CPNE9: variants seen among roughly 807,000 people sequenced by gnomAD.
CPNE9 encodes the protein copine family member 9.
Under a neutral mutation model 83.0 loss-of-function variants are expected in CPNE9, and 59 were observed. The ratio of observed to expected loss-of-function variants is 0.71; its 90% CI spans 0.58 to 0.88. The LOEUF (loss-of-function observed/expected upper bound fraction) is 0.88. Ranked by LOEUF, CPNE9 falls within the 40% of genes least tolerant of loss-of-function variation. The pLI is 0.00. For synonymous variants in CPNE9, 256 were observed against 273.4 expected, an observed-to-expected ratio of 0.94 and a Z score of 0.63; for missense variants, 619 against 720.8, an observed-to-expected ratio of 0.86 and a Z score of 1.62.
At chr3:9,722,537 T>C (rs1167831164) in intron 17 of CPNE9, among the ~76,000 whole-genome samples, 1 of 151,392 alleles carries the variant, frequency 6.6e-6, no homozygotes, top group African/African-American at 2.4e-5. Flanking sequence ...AAGAGACAGG[T>C]TCTCACTGTG....
chr3:9,723,183 G>A (rs1159704862), intron 17 of CPNE9, among the ~76,000 whole-genome samples: 4 of 152,164 alleles, frequency 2.6e-5, no homozygotes, highest in Non-Finnish European at 5.9e-5. Context: ...ATGTAAAGGA[G>A]AATCATGGCT....
chr3:9,712,908 A>C (rs758726029), intron 9 of CPNE9, 67 bp from the exon 10 acceptor site: 92 of 1,423,508 alleles, frequency 6.5e-5, no homozygotes, highest in Non-Finnish European at 9.0e-5. Flanking sequence ...AATCTCTGAG[A>C]GCATCTGGAT....
intron 17 of CPNE9, among the ~76,000 whole-genome samples, chr3:9,725,687 T>TAC (rs4020760): frequency 6.2e-4 from 38 of 61,414 alleles, no homozygotes; most frequent in East Asian, 2.9e-3. Flanking sequence ...TATATATATA[T>TAC]ACATATATGT....
intron 18 of CPNE9, 58 bp from the exon 19 acceptor site, chr3:9,726,607 C>T (rs2076786972): frequency 1.5e-6 from 2 of 1,358,552 alleles, no homozygotes; most frequent in Non-Finnish European, 2.1e-6. Flanking sequence ...TGTCTCCCAA[C>T]AGTCACCTCC....
At chr3:9,707,081 C>T (rs529134617) in intron 7 of CPNE9, among the ~76,000 whole-genome samples, 5 of 152,142 alleles carry the variant, frequency 3.3e-5, no homozygotes, top group African/African-American at 7.2e-5. Flanking sequence ...GGGCCAGGCG[C>T]GGTGGCTCAC....
At chr3:9,706,723 G>A (rs2076568032) in intron 7 of CPNE9, among the ~76,000 whole-genome samples, 1 of 152,206 alleles carries the variant, frequency 6.6e-6, no homozygotes, top group Non-Finnish European at 1.5e-5. Context: ...GTGAGTGGGA[G>A]GTGCAGGATT....
At chr3:9,719,145 T>A (rs1017926291) in intron 17 of CPNE9, among the ~76,000 whole-genome samples, 3 of 152,056 alleles carry the variant, frequency 2.0e-5, no homozygotes, top group Non-Finnish European at 2.9e-5. Context: ...CTCATTTTTT[T>A]AAATTAAATA....
chr3:9,716,627 C>G (rs940711323), intron 14 of CPNE9, among the ~76,000 whole-genome samples: 1 of 152,138 alleles, frequency 6.6e-6, no homozygotes, highest in African/African-American at 2.4e-5. Context: ...TGCGCCACCA[C>G]GCCCGGCTAA....
chr3:9,726,739 G>A lies in CPNE9; in HGVS notation c.1402+17G>A, dbSNP rs753825981. ...TGTTTGAGGGTGAGTAGGAAGGGGT[G>A]TCCCTGAGTGGGACTAAGAACTAAG... On this transcript the variant is annotated intron_variant, in intron 19 of 20. Coordinates refer to ENST00000383832, the MANE Select transcript of CPNE9 (RefSeq NM_153635.3). 5 of 1,611,790 alleles carry A rather than the reference G, an allele frequency of 3.1e-6. No homozygotes were observed. In the South Asian group the frequency reaches 5.5e-5, roughly 18 times the overall value.
At chr3:9,709,002 G>A (rs1169256826) in intron 7 of CPNE9, among the ~76,000 whole-genome samples, 7 of 151,388 alleles carry the variant, frequency 4.6e-5, no homozygotes, top group Admixed American at 3.3e-4. Flanking sequence ...GACCAGGGGC[G>A]GTGGTTCACA....
intron 17 of CPNE9, 52 bp from the exon 18 acceptor site, chr3:9,725,897 T>G: frequency 7.2e-7 from 1 of 1,379,980 alleles, no homozygotes; most frequent in Non-Finnish European, 1.0e-6. Context: ...GGTAAGGTGT[T>G]CCCTTGGCCT....
chr3:9,728,681 G>A (rs2076804339), intron 20 of CPNE9, among the ~76,000 whole-genome samples: 1 of 152,214 alleles, frequency 6.6e-6, no homozygotes, highest in East Asian at 1.9e-4. Context: ...AGAGGTCATG[G>A]ATGGATATAT....
At position 9,703,962 on chromosome 3, in the gene CPNE9, C is replaced by T. The variant is rs2076531353; in HGVS notation, c.-35C>T. Reference sequence around the variant, plus strand: ...CCCCTAGCCCCAGCAGCCCTGGTCTCGCAGCCTCCTGCGGCTCTGGTCGCC... The same window carrying T: ...CCCCTAGCCCCAGCAGCCCTGGTCTTGCAGCCTCCTGCGGCTCTGGTCGCC... On this transcript the variant is annotated 5_prime_UTR_variant, in exon 1 of 21. Coordinates refer to ENST00000383832, the MANE Select transcript of CPNE9 (RefSeq NM_153635.3). The T allele has an allele frequency of 4.5e-6, 7 of 1,569,416 alleles. No individual in the cohort carries two copies. Among genetic ancestry groups the T allele is most frequent in the East Asian group, 2.3e-5 (1 of 42,836 alleles).
At chr3:9,724,381 G>A (rs375668647) in intron 17 of CPNE9, among the ~76,000 whole-genome samples, 156 of 152,258 alleles carry the variant, frequency 1.0e-3, no homozygotes, top group African/African-American at 3.6e-3. Context: ...AGATGTGGCT[G>A]GCAGAGGGGA....
rs766536649 is a variant in CPNE9, at chr3:9,712,817, T to A, written c.534T>A (p.Asn178Lys). 1.9e-6 allele frequency: 3 copies of A among 1,613,796 alleles called. No homozygotes were observed. The highest frequency in any genetic ancestry group is 2.5e-6 in the Non-Finnish European group (3 of 1,179,828). ...SDPFLVFYRS[N>K]EDGTFTICHK... The stretch of plus-strand genomic sequence containing the variant: ...CCTTCCTTGTGTTCTACAGGAGCAA[T>A]GAGGATGGCACGTGAGTCACTGCCA... The change falls in exon 9 of 21, where the codon AAT becomes AAA. Residue 178 changes from asparagine (N) to lysine (K), a missense_variant. Transcript: ENST00000383832.
At chr3:9,718,306 A>T in intron 16 of CPNE9, 96 bp downstream of exon 16, 1 of 1,408,368 alleles carries the variant, frequency 7.1e-7, no homozygotes, top group Non-Finnish European at 9.7e-7. Flanking sequence ...AAGGGCATGT[A>T]GAGGAACAGG....
chr3:9,725,293 G>A (rs951907943), intron 17 of CPNE9, among the ~76,000 whole-genome samples: 1 of 152,060 alleles, frequency 6.6e-6, no homozygotes, highest in African/African-American at 2.4e-5. Flanking sequence ...CCAGCACTTT[G>A]AGAGGCTGAG....
chr3:9,711,376 CTT>C (rs67169262), intron 7 of CPNE9, among the ~76,000 whole-genome samples: 14 of 144,958 alleles, frequency 9.7e-5, no homozygotes, highest in Non-Finnish European at 1.1e-4. Flanking sequence ...CTAATTTTTT[CTT>C]TTTTTTTTTT....
chr3:9,712,416 C>A, intron 7 of CPNE9, 125 bp from the exon 8 acceptor site: 2 of 789,134 alleles, frequency 2.5e-6, no homozygotes, highest in Non-Finnish European at 2.2e-6. Flanking sequence ...AGAAGGCACT[C>A]AAGACACAAG....
Sources: gnomAD v4.1 joint callset for allele counts (sites outside exome capture counted in the v4.1 genomes callset) on GRCh38, gnomAD v4.1.1 for gene constraint, MANE v1.5 for transcripts, NCBI Gene and HGNC (gene_info 2026-07-23, HGNC 2026-07-21) for gene names.